The following LTBP1 variants were observed in gnomAD, a reference collection of about 807,000 sequenced individuals.
The protein encoded by LTBP1 is latent transforming growth factor beta binding protein 1.
A neutral mutation model predicts 207.6 loss-of-function variants in LTBP1; 129 were observed. The observed-to-expected ratio is 0.62, with a 90% CI of 0.54 to 0.72. The LOEUF is 0.72. Ranked by LOEUF, LTBP1 falls within the 30% of genes least tolerant of loss-of-function variation. LTBP1 has a pLI of 0.00. For synonymous variants in LTBP1, 963 were observed against 833.7 expected (o/e 1.16, Z -2.67); for missense variants, 2,281 against 2,217.2 (o/e 1.03, Z -0.58).
intron 5 of LTBP1, among the ~76,000 whole-genome samples, chr2:33,143,550 T>C (rs975513121): frequency 2.2e-4 from 34 of 152,186 alleles, no homozygotes; most frequent in African/African-American, 8.0e-4. Context: ...GACCACAAGA[T>C]GCATGAAAAA....
chr2:33,271,597 T>C (rs1385646315), intron 15 of LTBP1, among the ~76,000 whole-genome samples: 2 of 140,796 alleles, frequency 1.4e-5, no homozygotes, highest in Non-Finnish European at 3.0e-5. Context: ...AAGGAAGACT[T>C]TTCAGATTAT....
chr2:33,118,781 C>T (rs544540483), intron 4 of LTBP1, among the ~76,000 whole-genome samples: 32 of 152,152 alleles, frequency 2.1e-4, no homozygotes, highest in South Asian at 1.5e-3. Flanking sequence ...TGGGTTAGGG[C>T]GTGGAGGGGA....
At chr2:33,319,964 C>G (rs936134660) in intron 24 of LTBP1, among the ~76,000 whole-genome samples, 1 of 152,222 alleles carries the variant, frequency 6.6e-6, no homozygotes, top group African/African-American at 2.4e-5. Flanking sequence ...TATTAAGTGT[C>G]TACCTGTGTG....
intron 2 of LTBP1, among the ~76,000 whole-genome samples, chr2:32,983,604 C>A (rs547572058): frequency 7.9e-4 from 121 of 152,274 alleles, no homozygotes; most frequent in African/African-American, 2.6e-3. Flanking sequence ...TAGGAGGGAC[C>A]TGGTGGGAAG....
intron 22 of LTBP1, among the ~76,000 whole-genome samples, chr2:33,303,503 C>A (rs2149045157): frequency 6.6e-6 from 1 of 152,078 alleles, no homozygotes; most frequent in South Asian, 2.1e-4. Context: ...GCACCTGCCA[C>A]CATGCCCGGC....
chr2:33,350,336 T>C (rs1361897776), intron 26 of LTBP1, among the ~76,000 whole-genome samples: 1 of 152,124 alleles, frequency 6.6e-6, no homozygotes, highest in African/African-American at 2.4e-5. Context: ...ACTAGGGTTA[T>C]GGGGTAGGAT....
intron 2 of LTBP1, among the ~76,000 whole-genome samples, chr2:32,962,488 T>C (rs942807085): frequency 2.0e-5 from 3 of 152,360 alleles, no homozygotes; most frequent in East Asian, 1.9e-4. Flanking sequence ...GTTCTCTTTA[T>C]ATACAATAGA....
intron 7 of LTBP1, among the ~76,000 whole-genome samples, chr2:33,206,780 A>T (rs918641327): frequency 4.0e-5 from 6 of 151,468 alleles, no homozygotes; most frequent in Non-Finnish European, 7.4e-5. Flanking sequence ...ATAGGCATTT[A>T]TGTTCATCAT....
chr2:33,369,346 A>G (rs55766721), intron 31 of LTBP1, among the ~76,000 whole-genome samples: 9,919 of 152,242 alleles, frequency 0.065, 357 homozygotes, highest in African/African-American at 0.071. Context: ...TTAAAAAACA[A>G]TGGTAGTTTT....
chr2:33,293,904 A>G (rs572091749), intron 20 of LTBP1, among the ~76,000 whole-genome samples: 7 of 149,670 alleles, frequency 4.7e-5, no homozygotes, highest in Non-Finnish European at 8.9e-5. Flanking sequence ...ATTCTAGTAT[A>G]TTCCTATATC....
At chr2:33,111,137 A>G (rs1181991976) in intron 4 of LTBP1, among the ~76,000 whole-genome samples, 3 of 152,208 alleles carry the variant, frequency 2.0e-5, no homozygotes, top group East Asian at 3.8e-4. Context: ...TGTCCTGCAT[A>G]GCTCTCTGAG....
rs12053272 is a variant in LTBP1, at chr2:33,217,783, A to G, written c.1804+129A>G. The G allele has an allele frequency of 3.3e-5, 21 of 632,390 alleles. No homozygotes were observed. The East Asian group carries it at 4.5e-4, about 14-fold the overall frequency. The allele number at this position is 632,390 out of a possible 1,614,324, so 39.2% of individuals were successfully genotyped here. ...CTACTGAATTCTAGAATGTAGTACTATGATGTGCATTTCCAGAAAATTTGC... is the reference window on the plus strand; with the variant it reads ...CTACTGAATTCTAGAATGTAGTACTGTGATGTGCATTTCCAGAAAATTTGC... On this transcript the variant is annotated intron_variant, in intron 8 of 33. Coordinates refer to ENST00000404816, the MANE Select transcript of LTBP1 (RefSeq NM_206943.4).
At chr2:33,118,214 A>G (rs927294576) in intron 4 of LTBP1, among the ~76,000 whole-genome samples, 4 of 151,460 alleles carry the variant, frequency 2.6e-5, no homozygotes, top group Non-Finnish European at 5.9e-5. Context: ...CAAAAAAAAA[A>G]CAACAAAAAA....
At chr2:33,046,988 T>C (rs1037619880) in intron 3 of LTBP1, among the ~76,000 whole-genome samples, 8 of 152,196 alleles carry the variant, frequency 5.3e-5, no homozygotes, top group African/African-American at 7.2e-5. Context: ...TTGTGTCTAT[T>C]TGATTCTTCT....
chr2:33,110,854 C>G lies in LTBP1; in HGVS notation c.1033+103C>G, dbSNP rs2080360352. On this transcript the variant is annotated intron_variant, in intron 4 of 33. Transcript: ENST00000404816. ...TTAATGTGTCACAGTAAATAAAATT[C>G]AAGAGTCATTAAAAAATCCACATTG... 9 of 1,089,596 alleles carry G rather than the reference C, an allele frequency of 8.3e-6. 1 individual carries two copies. The South Asian group carries it at 2.5e-4, about 30-fold the overall frequency. The allele number at this position is 1,089,596 out of a possible 1,614,324, so 67.5% of individuals were successfully genotyped here.
chr2:33,339,238 G>A (rs1216347588), intron 24 of LTBP1, among the ~76,000 whole-genome samples: 1 of 151,836 alleles, frequency 6.6e-6, no homozygotes, highest in Non-Finnish European at 1.5e-5. Flanking sequence ...GAGATGAGGA[G>A]GGGAGTGATA....
rs778556883 is a variant in LTBP1, at chr2:33,188,869, G to C, written c.1701+18G>C. ...GGTCACAGGTAAACATCATCACCGAGCCTGCTTTAGCAGTGTCTTACAGAT... is the reference window on the plus strand; with the variant it reads ...GGTCACAGGTAAACATCATCACCGACCCTGCTTTAGCAGTGTCTTACAGAT... On this transcript the variant is annotated intron_variant, in intron 7 of 33. Transcript: ENST00000404816. The C allele has an allele frequency of 5.0e-6, 8 of 1,611,948 alleles. No individual in the cohort carries two copies. In the African/African-American group the frequency reaches 9.3e-5, roughly 19 times the overall value.
intron 9 of LTBP1, among the ~76,000 whole-genome samples, chr2:33,242,560 A>G (rs1164179255): frequency 2.0e-5 from 3 of 146,626 alleles, no homozygotes; most frequent in African/African-American, 7.4e-5. Flanking sequence ...TCCTTCCGCA[A>G]AACCAGCTGT....
intron 22 of LTBP1, among the ~76,000 whole-genome samples, chr2:33,303,690 C>T (rs1180009032): frequency 2.0e-5 from 3 of 152,106 alleles, no homozygotes; most frequent in Non-Finnish European, 4.4e-5. Flanking sequence ...CAACCTAGAT[C>T]CCTCACATGC....
Sources: allele counts gnomAD v4.1 joint callset (sites outside exome capture counted in the v4.1 genomes callset), GRCh38; gene constraint gnomAD v4.1.1; transcripts MANE v1.5; gene names NCBI Gene and HGNC (gene_info 2026-07-23, HGNC 2026-07-21).